The following SSH2 variants were observed in gnomAD, a reference collection of about 807,000 sequenced individuals.
SSH2 encodes the protein slingshot protein phosphatase 2, also known as protein phosphatase Slingshot homolog 2.
Under a neutral mutation model 135.2 loss-of-function variants are expected in SSH2, and 37 were observed. The observed-to-expected ratio is 0.27, with a 90% confidence interval of 0.21 to 0.36. The LOEUF (loss-of-function observed/expected upper bound fraction) is 0.36. Among genes scored for constraint, SSH2 ranks in the 10% least tolerant of loss-of-function variants. The pLI is 1.00. For missense variants in SSH2, 1,408 were observed against 1,765.3 expected (o/e 0.80, Z 3.63); for synonymous variants, 628 against 646.2 (o/e 0.97, Z 0.43).
chr17:29,670,579 G>C (rs1367952069), intron 9 of SSH2, among the ~76,000 whole-genome samples: 2 of 152,016 alleles, frequency 1.3e-5, no homozygotes, highest in African/African-American at 4.8e-5. Flanking sequence ...GCAGAGACCA[G>C]CCTGGTCAAC....
At chr17:29,734,575 A>G (rs1472480343) in intron 3 of SSH2, among the ~76,000 whole-genome samples, 1 of 152,194 alleles carries the variant, frequency 6.6e-6, no homozygotes, top group African/African-American at 2.4e-5. Flanking sequence ...ATAGGTACCC[A>G]TACTAAAAGC....
chr17:29,899,993 C>A (rs991967946), intron 1 of SSH2, among the ~76,000 whole-genome samples: 4 of 152,174 alleles, frequency 2.6e-5, no homozygotes, highest in Non-Finnish European at 5.9e-5. Flanking sequence ...CTACAACTAT[C>A]TGATCTTTGA....
chr17:29,641,440 T>TTATATC (rs2036155972), intron 14 of SSH2, among the ~76,000 whole-genome samples: 1 of 152,072 alleles, frequency 6.6e-6, no homozygotes, highest in Non-Finnish European at 1.5e-5. Flanking sequence ...AGTTGGTCTG[T>TTATATC]ATCCTGGATG....
intron 2 of SSH2, among the ~76,000 whole-genome samples, chr17:29,813,216 C>T (rs1167387853): frequency 2.6e-5 from 4 of 151,656 alleles, no homozygotes; most frequent in Non-Finnish European, 5.9e-5. Context: ...AACCCCATCT[C>T]TACTAAAAAT....
chr17:29,759,190 C>T (rs1453680265), intron 3 of SSH2, among the ~76,000 whole-genome samples: 1 of 152,070 alleles, frequency 6.6e-6, no homozygotes, highest in African/African-American at 2.4e-5. Context: ...CATGCGCCAC[C>T]GCACCTGGCT....
At chr17:29,709,055 T>C (rs1268363208) in intron 3 of SSH2, among the ~76,000 whole-genome samples, 1 of 95,956 alleles carries the variant, frequency 1.0e-5, no homozygotes, top group African/African-American at 3.5e-5. Flanking sequence ...GAGAGAGAGC[T>C]AATAATAGCT....
chr17:29,731,460 TA>T (rs1567925435), intron 3 of SSH2, among the ~76,000 whole-genome samples: 1 of 150,046 alleles, frequency 6.7e-6, no homozygotes. Context: ...TTTATTTATT[TA>T]TTTATTTATT....
intron 3 of SSH2, among the ~76,000 whole-genome samples, chr17:29,768,883 T>A (rs929579815): frequency 1.3e-4 from 19 of 151,938 alleles, no homozygotes; most frequent in African/African-American, 3.9e-4. Flanking sequence ...TAACTGAAAT[T>A]TTTGAGCTGA....
At chr17:29,658,604 C>T (rs2036888165) in intron 11 of SSH2, among the ~76,000 whole-genome samples, 1 of 152,110 alleles carries the variant, frequency 6.6e-6, no homozygotes, top group Non-Finnish European at 1.5e-5. Context: ...TGCAGTGGCT[C>T]ACGTCTGTAA....
intron 1 of SSH2, among the ~76,000 whole-genome samples, chr17:29,860,521 A>G (rs1301604106): frequency 6.9e-6 from 1 of 144,894 alleles, no homozygotes; most frequent in Non-Finnish European, 1.5e-5. Context: ...GCTCATTGCA[A>G]CCTCTGCATC....
chr17:29,712,195 AG>A (rs2151148787), intron 3 of SSH2, among the ~76,000 whole-genome samples: 1 of 152,334 alleles, frequency 6.6e-6, no homozygotes, highest in African/African-American at 2.4e-5. Flanking sequence ...GAAGGCAATC[AG>A]GTTTGCATTT....
At chr17:29,805,570 G>A (rs1166613133) in intron 2 of SSH2, among the ~76,000 whole-genome samples, 2 of 152,082 alleles carry the variant, frequency 1.3e-5, no homozygotes, top group African/African-American at 2.4e-5. Context: ...GAGACACGTC[G>A]GTAGCCAAGG....
intron 1 of SSH2, chr17:29,928,349 T>C (rs919749086): frequency 1.3e-5 from 5 of 393,812 alleles, no homozygotes; most frequent in South Asian, 1.4e-4. Context: ...TTTACCAGCT[T>C]TGAAGTACAA....
intron 2 of SSH2, among the ~76,000 whole-genome samples, chr17:29,827,931 C>T (rs182240764): frequency 6.6e-6 from 1 of 152,282 alleles, no homozygotes; most frequent in Admixed American, 6.5e-5. Flanking sequence ...AGAACCTCTG[C>T]TTACCTTCCT....
At chr17:29,670,589 CA>C (rs1213662810) in intron 9 of SSH2, among the ~76,000 whole-genome samples, 2 of 151,826 alleles carry the variant, frequency 1.3e-5, no homozygotes, top group Non-Finnish European at 2.9e-5. Context: ...GCCTGGTCAA[CA>C]TGGTGAAACC....
At chr17:29,727,345 G>C (rs1431291646) in intron 3 of SSH2, among the ~76,000 whole-genome samples, 1 of 152,188 alleles carries the variant, frequency 6.6e-6, no homozygotes, top group African/African-American at 2.4e-5. Context: ...CATTACAATA[G>C]GATGTTAGTG....
chr17:29,665,662 A>G (rs1177991981), intron 11 of SSH2, among the ~76,000 whole-genome samples: 3 of 152,250 alleles, frequency 2.0e-5, no homozygotes, highest in Non-Finnish European at 4.4e-5. Flanking sequence ...GGAAGTGGAC[A>G]CAAAATGAGG....
chr17:29,657,574 GTTTTTTTTTTTTTTTT>G (rs764763821), intron 11 of SSH2, among the ~76,000 whole-genome samples: 1 of 80,078 alleles, frequency 1.2e-5, no homozygotes, highest in African/African-American at 5.0e-5. Flanking sequence ...CGGCTACTTT[GTTTTTTTTTTTTTTTT>G]TTTTTTTTAG....
chr17:29,870,550 A>G (rs1219292082), intron 1 of SSH2, among the ~76,000 whole-genome samples: 3 of 152,210 alleles, frequency 2.0e-5, no homozygotes, highest in Non-Finnish European at 1.5e-5. Flanking sequence ...TTAAAATCGA[A>G]TAATAACAAA....
Sources: gnomAD v4.1 joint callset for allele counts (sites outside exome capture counted in the v4.1 genomes callset) on GRCh38, gnomAD v4.1.1 for gene constraint, MANE v1.5 for transcripts, NCBI Gene and HGNC (gene_info 2026-07-23, HGNC 2026-07-21) for gene names.